The following MORC2 variants were observed in gnomAD, a reference collection of about 807,000 sequenced individuals.
The protein encoded by MORC2 is ATPase MORC2.
In MORC2, 30 loss-of-function variants were observed where a neutral mutation model predicts 136.0. That is an observed-to-expected ratio of 0.22 (90% CI 0.17 to 0.30). The LOEUF (loss-of-function observed/expected upper bound fraction) is 0.30. MORC2 is among the 10% of genes least tolerant of loss of function. The pLI, the probability that MORC2 is intolerant of heterozygous loss-of-function variation, is 1.00. For synonymous variants in MORC2, 439 were observed against 487.0 expected (o/e 0.90, Z 1.30); for missense variants, 922 against 1,333.1 (o/e 0.69, Z 4.80).
intron 24 of MORC2, among the ~76,000 whole-genome samples, chr22:30,929,007 T>C (rs1223363456): frequency 6.6e-6 from 1 of 152,240 alleles, no homozygotes; most frequent in Non-Finnish European, 1.5e-5. Context: ...TTATCAACTC[T>C]GGTGTTTACT....
rs781067804 is a variant in MORC2, at chr22:30,937,840, C to T, written c.1344G>A (p.Ala448=). The change falls in exon 14 of 26, where the codon GCG becomes GCA. Residue 448 remains alanine, a synonymous_variant. Transcript: ENST00000397641. The surrounding 1 kb of genome is among the most constrained non-coding windows in gnomAD (Gnocchi z 4.7). ...HLLRAMGEHL[A]QYWKDIAIAQ... is the part of the protein sequence containing the mutation. ...CGATGGCAATATCCTTCCAATACTG[C>T]GCCAGGTGCTCCCCCATTGCTCGGA... is the stretch of plus-strand genomic sequence containing the variant. 37 of 1,614,064 alleles carry T rather than the reference C, an allele frequency of 2.3e-5. No homozygotes were observed. In the Admixed American group the frequency reaches 3.3e-4, roughly 15 times the overall value.
At position 30,968,032 on chromosome 22, in the gene MORC2, CA is replaced by C. The variant is rs879042296; in HGVS notation, c.-144del. 20 of 645,022 alleles carry C rather than the reference CA, an allele frequency of 3.1e-5. No homozygotes were observed. The highest frequency in any genetic ancestry group is 1.8e-4 in the South Asian group (9 of 50,456). 40.0% of individuals were successfully genotyped at this position (645,022 alleles called of 1,614,324 possible). A position where few individuals can be genotyped will look rare whatever the true frequency, so the allele number is the denominator to read the frequency against. ...CAGTTAAAGTAACCTAGTAGCTATC[CA>C]AAATATATGCAGAGATGTTTAAAAC... On this transcript the variant is annotated 5_prime_UTR_variant, in exon 1 of 26. Transcript: ENST00000397641.
chr22:30,966,510 C>T (rs748504458), intron 1 of MORC2, among the ~76,000 whole-genome samples: 1 of 152,200 alleles, frequency 6.6e-6, no homozygotes, highest in Non-Finnish European at 1.5e-5. Flanking sequence ...CATGGTGGCT[C>T]ATGCCTGTAA....
chr22:30,943,355 C>T (rs2040769264), intron 6 of MORC2, among the ~76,000 whole-genome samples: 1 of 152,228 alleles, frequency 6.6e-6, no homozygotes, highest in African/African-American at 2.4e-5. Context: ...ACACAGGACA[C>T]TTCTAACATC....
At chr22:30,927,016 T>C in intron 25 of MORC2, 145 bp from the exon 26 acceptor site, 1 of 626,486 alleles carries the variant, frequency 1.6e-6, no homozygotes, top group South Asian at 2.0e-5. Context: ...GCTTCTGTCC[T>C]GTCTTAATCA....
chr22:30,936,861 G>A, intron 16 of MORC2, 71 bp downstream of exon 16: 2 of 1,442,078 alleles, frequency 1.4e-6, no homozygotes, highest in Non-Finnish European at 1.9e-6. Flanking sequence ...TATGTGCACT[G>A]ACCTCAAGAA....
Position 30,933,049 on chromosome 22 carries a change from G to A in MORC2, c.2381-19C>T, listed in dbSNP as rs777335242. 3.0e-5 allele frequency: 48 copies of A among 1,612,948 alleles called. No homozygotes were observed. In the East Asian group the frequency reaches 8.9e-4, roughly 30 times the overall value. ...CCTTTATCTGACAATGTAGACAGAG[G>A]TGCGAGTCAGAAAACTAGCGTAGAG... On this transcript the variant is annotated intron_variant, in intron 21 of 25. Coordinates refer to ENST00000397641, the MANE Select transcript of MORC2 (RefSeq NM_001303256.3).
chr22:30,955,251 C>T (rs930735930), intron 3 of MORC2, among the ~76,000 whole-genome samples: 1 of 152,176 alleles, frequency 6.6e-6, no homozygotes, highest in Non-Finnish European at 1.5e-5. Context: ...AGCCACCACG[C>T]CCAGCCTTGG....
Position 30,932,433 on chromosome 22 carries a change from G to A in MORC2, c.2767C>T (p.Leu923=), listed in dbSNP as rs185390451. 3.7e-6 allele frequency: 6 copies of A among 1,614,110 alleles called. No individual in the cohort carries two copies. In the Admixed American group the frequency reaches 6.7e-5, roughly 18 times the overall value. ...TTGGAGATGGGGAAACTTGGAGGCAGGAAGTACCGTAAACAATTCCTAAAG... is the reference window on the plus strand; with the variant it reads ...TTGGAGATGGGGAAACTTGGAGGCAAGAAGTACCGTAAACAATTCCTAAAG... The part of the protein sequence containing the change: ...QILRNCLRYF[L]PPSFPISKKQ... Residue 923 remains leucine (L), a synonymous_variant, in exon 24 of 26, where the codon CTG becomes TTG. Transcript: ENST00000397641. This position sits in a 1 kb window ranked among gnomAD's most constrained non-coding sequence, Gnocchi z 4.4.
chr22:30,935,426 G>A (rs2040639420), intron 17 of MORC2, 104 bp from the exon 18 acceptor site: 3 of 1,136,276 alleles, frequency 2.6e-6, no homozygotes, highest in East Asian at 5.1e-5. Context: ...TAGAAAACCT[G>A]AGCCATAGTC....
In MORC2 at chr22:30,932,924, G is replaced by A; in HGVS notation, c.2487C>T (p.Asp829=). ...TTGGTGTCGTGTCTGTGGGCACGTA[G>A]TCAAACTTCACCTTCCACCGCACCA... ...KHVVRWKVKF[D]YVPTDTTPRD... The change falls in exon 22 of 26, where the codon GAC becomes GAT. Residue 829 remains aspartate (D), a synonymous_variant. Transcript: ENST00000397641. This position sits in a 1 kb window ranked among gnomAD's most constrained non-coding sequence, Gnocchi z 4.4. The A allele has an allele frequency of 6.2e-7, 1 of 1,614,148 alleles. No individual in the cohort carries two copies. Among genetic ancestry groups the A allele is most frequent in the South Asian group, 1.1e-5 (1 of 91,088 alleles).
intron 1 of MORC2, among the ~76,000 whole-genome samples, chr22:30,966,721 T>C (rs1233380379): frequency 6.6e-6 from 1 of 152,108 alleles, no homozygotes; most frequent in Non-Finnish European, 1.5e-5. Context: ...AAGGTTGCAG[T>C]GAGCCAAGAT....
chr22:30,941,326 G>T lies in MORC2; in HGVS notation c.824+107C>A. The T allele has an allele frequency of 6.8e-7, 1 of 1,466,168 alleles. No individual in the cohort carries two copies. Among genetic ancestry groups the T allele is most frequent in the African/African-American group, 1.4e-5 (1 of 71,296 alleles). The allele number at this position is 1,466,168 out of a possible 1,614,324, so 90.8% of individuals were successfully genotyped here. ...CAACTTAAAGTCCCAAACGTAGTCA[G>T]CACTGCCAGAGCCTCTTATACAGCA... On this transcript the variant is annotated intron_variant, in intron 9 of 25. Coordinates refer to ENST00000397641, the MANE Select transcript of MORC2 (RefSeq NM_001303256.3). This position sits in a 1 kb window ranked among gnomAD's most constrained non-coding sequence, Gnocchi z 4.6.
At chr22:30,955,751 G>A (rs1261380728) in intron 3 of MORC2, among the ~76,000 whole-genome samples, 4 of 152,108 alleles carry the variant, frequency 2.6e-5, no homozygotes, top group Non-Finnish European at 5.9e-5. Flanking sequence ...GCTCACGCCT[G>A]TAATCCCAGC....
Position 30,926,792 on chromosome 22 carries a change from C to G in MORC2, c.*11G>C. ...GGCAGGTGGGCAGGGGAGCTGCTCT[C>G]TCTCCTGCCTTCAGTCCCCCTTGGT... On this transcript the variant is annotated 3_prime_UTR_variant, in exon 26 of 26. Coordinates refer to ENST00000397641, the MANE Select transcript of MORC2 (RefSeq NM_001303256.3). 6 of 1,612,278 alleles carry G rather than the reference C, an allele frequency of 3.7e-6. No homozygotes were observed. Among genetic ancestry groups the G allele is most frequent in the Non-Finnish European group, 5.1e-6 (6 of 1,179,048 alleles).
chr22:30,925,299 G>A lies in MORC2; in HGVS notation c.*1504C>T, dbSNP rs1007448829. 3.6e-6 allele frequency: 1 copy of A among 279,616 alleles called. No homozygotes were observed. Among genetic ancestry groups the A allele is most frequent in the African/African-American group, 2.3e-5 (1 of 44,078 alleles). 17.3% of individuals were successfully genotyped at this position (279,616 alleles called of 1,614,324 possible). A position where few individuals can be genotyped will look rare whatever the true frequency, so the allele number is the denominator to read the frequency against. On this transcript the variant is annotated 3_prime_UTR_variant, in exon 26 of 26. Coordinates refer to ENST00000397641, the MANE Select transcript of MORC2 (RefSeq NM_001303256.3). ...CCATGCTGCCTGAGATGAAGAGAGA[G>A]AGCAGGATGGCAGAGGAATCACCAG...
chr22:30,931,084 G>C (rs545620712), intron 24 of MORC2, among the ~76,000 whole-genome samples: 1 of 152,000 alleles, frequency 6.6e-6, no homozygotes, highest in Non-Finnish European at 1.5e-5. Context: ...CTGCCACCAC[G>C]CTGACTCCTG....
At chr22:30,958,147 A>C (rs1350195616) in intron 2 of MORC2, among the ~76,000 whole-genome samples, 2 of 152,222 alleles carry the variant, frequency 1.3e-5, no homozygotes, top group African/African-American at 2.4e-5. Context: ...GTGCTGACCA[A>C]TGATTCCTTC....
intron 16 of MORC2, 30 bp downstream of exon 16, chr22:30,936,902 C>G: frequency 6.3e-7 from 1 of 1,588,512 alleles, no homozygotes; most frequent in Middle Eastern, 1.7e-4. Flanking sequence ...GAAAAGTACC[C>G]ACAATCCCCT....
Sources: allele counts gnomAD v4.1 joint callset (sites outside exome capture counted in the v4.1 genomes callset), GRCh38; gene constraint gnomAD v4.1.1; non-coding constraint Gnocchi (gnomAD v3.1); transcripts MANE v1.5; gene names NCBI Gene and HGNC (gene_info 2026-07-23, HGNC 2026-07-21).